Variants in NRXN3 observed in about 807,000 individuals in gnomAD.
The protein encoded by NRXN3 is neurexin 3.
Under a neutral mutation model 137.6 loss-of-function variants are expected in NRXN3, and 32 were observed. The ratio of observed to expected loss-of-function variants is 0.23; its 90% CI spans 0.18 to 0.31. The LOEUF is 0.31. Ranked by LOEUF, NRXN3 falls within the 10% of genes least tolerant of loss-of-function variation. The pLI is 1.00. For synonymous variants in NRXN3, 798 were observed against 784.5 expected (o/e 1.02, Z -0.29); for missense variants, 1,574 against 2,062.5 (o/e 0.76, Z 4.59).
intron 15 of NRXN3, among the ~76,000 whole-genome samples, chr14:79,360,149 T>C (rs767801898): frequency 6.6e-6 from 1 of 152,250 alleles, no homozygotes; most frequent in Admixed American, 6.5e-5. Flanking sequence ...ATTAATGTAT[T>C]ACGGGAATTG....
At chr14:78,551,118 T>C (rs2096684334) in intron 4 of NRXN3, among the ~76,000 whole-genome samples, 1 of 152,190 alleles carries the variant, frequency 6.6e-6, no homozygotes, top group East Asian at 1.9e-4. Flanking sequence ...TAGAAGAGCA[T>C]GCATATGAAT....
chr14:79,322,995 G>C (rs112810185), intron 15 of NRXN3, among the ~76,000 whole-genome samples: 1 of 152,128 alleles, frequency 6.6e-6, no homozygotes, highest in Non-Finnish European at 1.5e-5. Context: ...GGATGGATGA[G>C]GGCTATAACA....
chr14:78,185,509 C>G (rs923442774), intron 1 of NRXN3, among the ~76,000 whole-genome samples: 5 of 152,058 alleles, frequency 3.3e-5, no homozygotes, highest in African/African-American at 1.2e-4. Context: ...TCTGAAGAAC[C>G]TGGAATGGTA....
chr14:79,676,586 G>A (rs61995219), intron 17 of NRXN3, among the ~76,000 whole-genome samples: 3 of 151,556 alleles, frequency 2.0e-5, no homozygotes, highest in East Asian at 1.9e-4. Context: ...GTATTCATAC[G>A]ACAAAGAAGA....
intron 16 of NRXN3, among the ~76,000 whole-genome samples, chr14:79,475,779 A>G (rs897987513): frequency 6.6e-6 from 1 of 152,172 alleles, no homozygotes; most frequent in Non-Finnish European, 1.5e-5. Context: ...AACTTTAATC[A>G]GGCCTCTGAA....
At chr14:79,769,732 C>G (rs2099070255) in intron 19 of NRXN3, among the ~76,000 whole-genome samples, 2 of 151,326 alleles carry the variant, frequency 1.3e-5, no homozygotes, top group South Asian at 2.1e-4. Context: ...GCAAAATAAC[C>G]AGCTAACATC....
chr14:79,137,037 C>A (rs913190284), intron 15 of NRXN3, among the ~76,000 whole-genome samples: 2 of 152,152 alleles, frequency 1.3e-5, no homozygotes, highest in African/African-American at 4.8e-5. Context: ...CATTTGAGGA[C>A]CATGAAATTC....
chr14:79,776,975 C>T (rs980865666), intron 19 of NRXN3, among the ~76,000 whole-genome samples: 1 of 152,192 alleles, frequency 6.6e-6, no homozygotes. Context: ...TTTTTGTTCT[C>T]TTGCTTTCTG....
At chr14:79,380,425 C>T (rs889153798) in intron 15 of NRXN3, among the ~76,000 whole-genome samples, 40 of 151,048 alleles carry the variant, frequency 2.6e-4, no homozygotes, top group Non-Finnish European at 4.9e-4. Flanking sequence ...TCAGTTCCCA[C>T]CTATGAGTGA....
intron 15 of NRXN3, among the ~76,000 whole-genome samples, chr14:79,019,123 C>G (rs1332390462): frequency 6.6e-6 from 1 of 152,134 alleles, no homozygotes; most frequent in Non-Finnish European, 1.5e-5. Context: ...GAGACAGTAC[C>G]TTGGTTCAAG....
intron 19 of NRXN3, among the ~76,000 whole-genome samples, chr14:79,754,536 ATATATATATATATATATATATATATATG>A (rs1568125587): frequency 9.8e-6 from 1 of 102,102 alleles, no homozygotes; most frequent in Non-Finnish European, 1.8e-5. Flanking sequence ...ATATATATAT[ATATATATATATATATATATATATATATG>A]CACACATACA....
intron 4 of NRXN3, among the ~76,000 whole-genome samples, chr14:78,374,794 A>T (rs1458686398): frequency 7.6e-6 from 1 of 130,838 alleles, no homozygotes; most frequent in African/African-American, 2.8e-5. Flanking sequence ...AAAAAAAAAA[A>T]GCCATGCTGC....
intron 4 of NRXN3, among the ~76,000 whole-genome samples, chr14:78,346,359 C>T (rs182371216): frequency 6.6e-6 from 1 of 152,158 alleles, no homozygotes; most frequent in Non-Finnish European, 1.5e-5. Flanking sequence ...CTCCTCCCTA[C>T]CTGGTCTCCT....
At chr14:78,691,198 G>C (rs2098167757) in intron 6 of NRXN3, among the ~76,000 whole-genome samples, 1 of 152,082 alleles carries the variant, frequency 6.6e-6, no homozygotes, top group Non-Finnish European at 1.5e-5. Context: ...TTGAGTAGTA[G>C]AACATCAGTA....
chr14:79,083,133 ATGT>A (rs1476287551), intron 15 of NRXN3, among the ~76,000 whole-genome samples: 1 of 152,202 alleles, frequency 6.6e-6, no homozygotes, highest in Non-Finnish European at 1.5e-5. Context: ...ACTGTGTGAG[ATGT>A]TGTACTAAGT....
At chr14:79,171,348 A>T (rs1424514200) in intron 15 of NRXN3, among the ~76,000 whole-genome samples, 1 of 152,156 alleles carries the variant, frequency 6.6e-6, no homozygotes, top group African/African-American at 2.4e-5. Context: ...TTTGTCATAA[A>T]GTCATAAGAG....
At position 78,256,454 on chromosome 14, in the gene NRXN3, C is replaced by A. The variant is rs967576541; in HGVS notation, c.709+12652C>A. On this transcript the variant is annotated intron_variant, in intron 2 of 20. Transcript: ENST00000335750. ...ACAGCAGGTGCCTTCGTGAAGCTATCAGGAGCATGTGCCAGCATGTGCATG... is the reference window on the plus strand; with the variant it reads ...ACAGCAGGTGCCTTCGTGAAGCTATAAGGAGCATGTGCCAGCATGTGCATG... Among the ~76,000 whole-genome samples, 3 of 152,248 alleles carry A rather than the reference C, an allele frequency of 2.0e-5. No individual in the cohort carries two copies. In the East Asian group the frequency reaches 5.8e-4, roughly 29 times the overall value.
intron 16 of NRXN3, among the ~76,000 whole-genome samples, chr14:79,531,518 G>A (rs2097169441): frequency 6.6e-6 from 1 of 152,298 alleles, no homozygotes; most frequent in African/African-American, 2.4e-5. Flanking sequence ...ATTTTATAAA[G>A]CATGCTTATG....
chr14:79,713,616 T>A (rs1165397391), intron 19 of NRXN3, among the ~76,000 whole-genome samples: 1 of 139,752 alleles, frequency 7.2e-6, no homozygotes, highest in Non-Finnish European at 1.6e-5. Flanking sequence ...CATATACATA[T>A]GTATGTATAT....
Sources: allele counts gnomAD v4.1 joint callset (sites outside exome capture counted in the v4.1 genomes callset), GRCh38; gene constraint gnomAD v4.1.1; transcripts MANE v1.5; gene names NCBI Gene and HGNC (gene_info 2026-07-23, HGNC 2026-07-21).